PML: variants seen among roughly 807,000 people sequenced by gnomAD.
The protein encoded by PML is protein PML.
Under a neutral mutation model 65.2 loss-of-function variants are expected in PML, and 28 were observed. The observed-to-expected ratio is 0.43, with a 90% CI of 0.32 to 0.59. The LOEUF is 0.59. Ranked by LOEUF, PML falls within the 20% of genes least tolerant of loss-of-function variation. The probability of loss-of-function intolerance (pLI) is 0.08; values close to 1 mark genes in which losing one functional copy is unlikely to be tolerated. For missense variants in PML, 1,021 were observed against 1,203.4 expected, an observed-to-expected ratio of 0.85 and a Z score of 2.24; for synonymous variants, 500 against 508.8, an observed-to-expected ratio of 0.98 and a Z score of 0.23.
intron 2 of PML, among the ~76,000 whole-genome samples, chr15:74,015,503 A>G (rs913044272): frequency 6.6e-6 from 1 of 152,150 alleles, no homozygotes; most frequent in African/African-American, 2.4e-5. Flanking sequence ...CACTGGTCCT[A>G]TTTCATAACA....
Position 73,998,706 on chromosome 15 carries a change from T to G in PML, c.602+230T>G, listed in dbSNP as rs1167704477. ...AGTTTCCTCCTGTAATAAATAATGC[T>G]GCAGAATCATCTTTGCATCTTTATC... On this transcript the variant is annotated intron_variant, in intron 2 of 8. Coordinates refer to ENST00000268058, the MANE Select transcript of PML (RefSeq NM_033238.3). Among the ~76,000 whole-genome samples, 3 of 152,238 alleles carry G rather than the reference T, an allele frequency of 2.0e-5. No homozygotes were observed. In the East Asian group the frequency reaches 5.8e-4, roughly 29 times the overall value.
At chr15:74,034,601 A>G in intron 7 of PML, 71 bp downstream of exon 7, 1 of 1,614,176 alleles carries the variant, frequency 6.2e-7, no homozygotes, top group Non-Finnish European at 8.5e-7. Context: ...GCACAGCCAC[A>G]GCAGGTGACT....
intron 2 of PML, among the ~76,000 whole-genome samples, chr15:74,003,551 A>T (rs958650930): frequency 1.4e-4 from 21 of 152,240 alleles, no homozygotes; most frequent in African/African-American, 5.1e-4. Context: ...TAAAACATTT[A>T]GCACACTTTT....
At chr15:74,036,346 C>G in intron 7 of PML, 1 of 1,410,634 alleles carries the variant, frequency 7.1e-7, no homozygotes, top group African/African-American at 1.4e-5. Flanking sequence ...ACTGGCTATC[C>G]CAAGACCTGG....
chr15:73,998,594 C>CTAAA, intron 2 of PML, 118 bp downstream of exon 2: 1 of 850,596 alleles, frequency 1.2e-6, no homozygotes, highest in Non-Finnish European at 1.9e-6. Context: ...CCTTGCAACT[C>CTAAA]TAAATGTGGT....
rs1312746052 is a variant in PML, at chr15:74,042,972, G to T, written c.1711-17G>T. On this transcript the variant is annotated splice_polypyrimidine_tract_variant and intron_variant, in intron 7 of 8. Coordinates refer to ENST00000268058, the MANE Select transcript of PML (RefSeq NM_033238.3). The surrounding 1 kb of genome is among the most constrained non-coding windows in gnomAD (Gnocchi z 5.3). The stretch of plus-strand genomic sequence containing the variant: ...TGGCCCTCTGAATCCCTGACGCTTG[G>T]TTTTTCTGTGTTGCAGTCCTCCCGA... 1 of 1,613,528 alleles carries T rather than the reference G, an allele frequency of 6.2e-7. No homozygotes were observed. The highest frequency in any genetic ancestry group is 1.1e-5 in the South Asian group (1 of 91,040).
rs1219129562 is a variant in PML at position 74,023,187 on chromosome 15, C to T, written c.962C>T (p.Ala321Val). ...EMASRLGRLD[A>V]VLQRIRTGSA... ...GCCAGTCGGCTGGGCCGCCTGGATG[C>T]TGTGCTGCAGCGCATCCGCACGGGC... Residue 321 changes from alanine to valine, a missense_variant, in exon 3 of 9, where the codon GCT becomes GTT. Coordinates refer to ENST00000268058, the MANE Select transcript of PML (RefSeq NM_033238.3). 11 of 1,607,520 alleles carry T rather than the reference C, an allele frequency of 6.8e-6. No homozygotes were observed. The East Asian group carries it at 2.2e-4, about 33-fold the overall frequency.
intron 2 of PML, among the ~76,000 whole-genome samples, chr15:74,021,295 A>G (rs183348530): frequency 1.6e-4 from 25 of 152,234 alleles, no homozygotes; most frequent in Middle Eastern, 3.4e-3. Context: ...TAGCTAAAAT[A>G]TATTAACCAG....
At chr15:74,000,013 T>C (rs1194222507) in intron 2 of PML, among the ~76,000 whole-genome samples, 1 of 152,074 alleles carries the variant, frequency 6.6e-6, no homozygotes, top group Non-Finnish European at 1.5e-5. Flanking sequence ...TTTTTGGCAT[T>C]TTTAGTAGAG....
At chr15:74,027,546 C>T (rs1190631533) in intron 4 of PML, 1 of 152,178 alleles carries the variant, frequency 6.6e-6, no homozygotes, top group African/African-American at 2.4e-5. Context: ...GAGTGAGACC[C>T]TGTCTCAAAA....
At chr15:74,033,457 G>C in intron 6 of PML, 43 bp downstream of exon 6, 7 of 1,607,158 alleles carry the variant, frequency 4.4e-6, no homozygotes, top group Non-Finnish European at 5.9e-6. Flanking sequence ...CTGCCCGCCA[G>C]GGTCTGGGCG....
intron 2 of PML, among the ~76,000 whole-genome samples, chr15:74,011,857 G>T (rs2070347626): frequency 6.6e-6 from 1 of 152,184 alleles, no homozygotes; most frequent in South Asian, 2.1e-4. Flanking sequence ...GCCAGAACAG[G>T]ATGCAGGGTT....
In PML at chr15:74,043,828, G is replaced by A. The variant is rs906467113; in HGVS notation, c.1862-393G>A. The A allele has an allele frequency of 7.6e-6, 4 of 529,592 alleles. No homozygotes were observed. Among genetic ancestry groups the A allele is most frequent in the Non-Finnish European group, 1.5e-5 (4 of 271,538 alleles). 32.8% of individuals were successfully genotyped at this position (529,592 alleles called of 1,614,324 possible). A position where few individuals can be genotyped will look rare whatever the true frequency, so the allele number is the denominator to read the frequency against. On this transcript the variant is annotated intron_variant, in intron 8 of 8. Coordinates refer to ENST00000268058, the MANE Select transcript of PML (RefSeq NM_033238.3). This position sits in a 1 kb window ranked among gnomAD's most constrained non-coding sequence, Gnocchi z 4.3. Reference sequence around the variant, plus strand: ...GTCCCAGGGCTCTGACTGGGCTGGGGTCCTTGAGGGGATTGGAGGAAGGAG... The same window carrying A: ...GTCCCAGGGCTCTGACTGGGCTGGGATCCTTGAGGGGATTGGAGGAAGGAG...
At chr15:74,009,001 C>G (rs541255124) in intron 2 of PML, among the ~76,000 whole-genome samples, 5 of 152,276 alleles carry the variant, frequency 3.3e-5, no homozygotes, top group African/African-American at 1.2e-4. Context: ...CTCATGAGTA[C>G]ACTAGGTCTT....
At position 74,023,097 on chromosome 15, in the gene PML, G is replaced by T; in HGVS notation, c.872G>T (p.Arg291Leu). ...GTGCGCCAGGTGGTAGCTCACGTGCGGGCTCAGGAGCGCGAGCTGCTGGAG... is the reference window on the plus strand; with the variant it reads ...GTGCGCCAGGTGGTAGCTCACGTGCTGGCTCAGGAGCGCGAGCTGCTGGAG... ...ERVRQVVAHV[R>L]AQERELLEAV... is the part of the protein sequence containing the mutation. The change falls in exon 3 of 9, where the codon CGG becomes CTG. Residue 291 changes from arginine (R) to leucine (L), a missense_variant. Physicochemically the swap from Arg to Leu is moderately radical, Grantham distance 102 (BLOSUM62 -2). Coordinates refer to ENST00000268058, the MANE Select transcript of PML (RefSeq NM_033238.3). The T allele has an allele frequency of 6.2e-7, 1 of 1,603,230 alleles. No individual in the cohort carries two copies.
At chr15:74,017,685 T>C (rs989567306) in intron 2 of PML, among the ~76,000 whole-genome samples, 1 of 152,188 alleles carries the variant, frequency 6.6e-6, no homozygotes, top group African/African-American at 2.4e-5. Flanking sequence ...GCTTTCTTTG[T>C]TATATAAAAT....
chr15:74,010,533 A>G (rs12915543), intron 2 of PML, among the ~76,000 whole-genome samples: 91,660 of 149,090 alleles, frequency 0.61, 28,367 homozygotes, highest in Non-Finnish European at 0.64. Flanking sequence ...AAAAAAAAAA[A>G]AAAGAAATTA....
At chr15:74,020,107 G>C (rs1165035474) in intron 2 of PML, among the ~76,000 whole-genome samples, 1 of 152,146 alleles carries the variant, frequency 6.6e-6, no homozygotes, top group Non-Finnish European at 1.5e-5. Context: ...ATTGCCTTCT[G>C]TAGAGTTATT....
chr15:74,012,767 C>CT (rs2070392471), intron 2 of PML, among the ~76,000 whole-genome samples: 1 of 152,168 alleles, frequency 6.6e-6, no homozygotes, highest in South Asian at 2.1e-4. Flanking sequence ...TTTAACATCA[C>CT]TTTTCCCAAG....
Sources: allele counts gnomAD v4.1 joint callset (sites outside exome capture counted in the v4.1 genomes callset), GRCh38; gene constraint gnomAD v4.1.1; non-coding constraint Gnocchi (gnomAD v3.1); transcripts MANE v1.5; gene names NCBI Gene and HGNC (gene_info 2026-07-23, HGNC 2026-07-21).